Variants in SBNO1 observed in about 807,000 individuals in gnomAD.
The protein encoded by SBNO1 is protein strawberry notch homolog 1.
A neutral mutation model predicts 173.6 loss-of-function variants in SBNO1; 23 were observed. The observed-to-expected ratio is 0.13, with a 90% confidence interval of 0.10 to 0.19. SBNO1 has a LOEUF of 0.19. SBNO1 is among the 10% of genes least tolerant of loss of function. SBNO1 has a pLI of 1.00. For missense variants in SBNO1, 1,238 were observed against 1,671.2 expected (o/e 0.74, Z 4.52); for synonymous variants, 632 against 571.5 (o/e 1.11, Z -1.51).
intron 1 of SBNO1, among the ~76,000 whole-genome samples, chr12:123,355,080 G>A (rs1274816843): frequency 6.6e-6 from 1 of 151,910 alleles, no homozygotes; most frequent in Non-Finnish European, 1.5e-5. Context: ...GAGTGCAGTG[G>A]CGCGATCTCA....
intron 31 of SBNO1, among the ~76,000 whole-genome samples, chr12:123,296,383 TACAGA>T (rs1024433441): frequency 1.3e-5 from 2 of 152,216 alleles, no homozygotes; most frequent in African/African-American, 2.4e-5. Flanking sequence ...ACCAAAAGAC[TACAGA>T]ACAGAAGTTG....
At chr12:123,353,762 G>C (rs1441933186) in intron 1 of SBNO1, among the ~76,000 whole-genome samples, 1 of 152,094 alleles carries the variant, frequency 6.6e-6, no homozygotes, top group Non-Finnish European at 1.5e-5. Context: ...GACTAAAATA[G>C]GGTCTTGGCC....
At chr12:123,326,540 A>G (rs1349383718) in intron 13 of SBNO1, among the ~76,000 whole-genome samples, 1 of 152,236 alleles carries the variant, frequency 6.6e-6, no homozygotes, top group African/African-American at 2.4e-5. Flanking sequence ...TTTAGAAAAT[A>G]ATGTGATTTT....
rs75633955 is a variant in SBNO1 at position 123,299,389 on chromosome 12, A to G, written c.3846-1218T>C. ...TCTCAAAAAAAACGAAACAAAACAA[A>G]ACAAAAAACTGGCTGGGCACGATGG... is the stretch of plus-strand genomic sequence containing the variant. On this transcript the variant is annotated intron_variant, in intron 30 of 31. Coordinates refer to ENST00000602398, the MANE Select transcript of SBNO1 (RefSeq NM_001167856.3). Among the ~76,000 whole-genome samples, 629 of 150,932 alleles carry G rather than the reference A, an allele frequency of 4.2e-3. 17 individuals are homozygous for G. The East Asian group carries it at 0.092, about 22-fold the overall frequency.
At chr12:123,347,692 C>T (rs1161936538) in intron 3 of SBNO1, among the ~76,000 whole-genome samples, 2 of 152,072 alleles carry the variant, frequency 1.3e-5, no homozygotes, top group Non-Finnish European at 2.9e-5. Context: ...CCACACCAAG[C>T]TAATTTTTGT....
At chr12:123,300,509 T>C (rs2048750527) in intron 30 of SBNO1, among the ~76,000 whole-genome samples, 1 of 151,706 alleles carries the variant, frequency 6.6e-6, no homozygotes, top group South Asian at 2.1e-4. Flanking sequence ...TACAAAAAAT[T>C]AGCCGGGCGT....
At chr12:123,352,342 G>A (rs1246459195) in intron 1 of SBNO1, among the ~76,000 whole-genome samples, 3 of 152,136 alleles carry the variant, frequency 2.0e-5, no homozygotes, top group Non-Finnish European at 2.9e-5. Context: ...ACGCAGTTTC[G>A]CTCTTGTTGC....
intron 28 of SBNO1, among the ~76,000 whole-genome samples, chr12:123,308,450 C>CACG (rs1290767342): frequency 6.6e-6 from 1 of 152,072 alleles, no homozygotes; most frequent in Non-Finnish European, 1.5e-5. Flanking sequence ...GCGGGCAGAT[C>CACG]ACGAGGTCAG....
chr12:123,334,246 T>G, intron 6 of SBNO1, 33 bp from the exon 7 acceptor site: 1 of 1,233,674 alleles, frequency 8.1e-7, no homozygotes. Flanking sequence ...TTTATTTTAA[T>G]TATTCTAAGT....
At chr12:123,327,851 A>T (rs1362090851) in intron 11 of SBNO1, 39 bp from the exon 12 acceptor site, 1 of 1,589,112 alleles carries the variant, frequency 6.3e-7, no homozygotes, top group Non-Finnish European at 8.6e-7. Flanking sequence ...TAGTTGAAAA[A>T]ATAACCTACA....
chr12:123,341,198 C>A (rs1872524056), intron 4 of SBNO1, 110 bp from the exon 5 acceptor site: 1 of 620,912 alleles, frequency 1.6e-6, no homozygotes, highest in Non-Finnish European at 2.7e-6. Context: ...ACCTGTAATC[C>A]CAGCATTTTT....
chr12:123,315,802 A>G (rs1003316184), intron 21 of SBNO1, 142 bp from the exon 22 acceptor site: 4 of 597,524 alleles, frequency 6.7e-6, no homozygotes, highest in African/African-American at 3.7e-5. Context: ...TAAAATTACC[A>G]TAACACACAT....
chr12:123,349,523 T>C (rs1401309587), intron 2 of SBNO1, among the ~76,000 whole-genome samples: 3 of 136,406 alleles, frequency 2.2e-5, no homozygotes, highest in African/African-American at 1.1e-4. Flanking sequence ...AAACATCTCT[T>C]ACACTATCTA....
intron 30 of SBNO1, among the ~76,000 whole-genome samples, chr12:123,300,351 G>C (rs545074692): frequency 6.6e-6 from 1 of 152,094 alleles, no homozygotes; most frequent in African/African-American, 2.4e-5. Flanking sequence ...ACTGTCCCCA[G>C]AGGAAATGTT....
At chr12:123,339,926 A>G (rs988252489) in intron 5 of SBNO1, among the ~76,000 whole-genome samples, 2 of 152,106 alleles carry the variant, frequency 1.3e-5, no homozygotes, top group African/African-American at 4.8e-5. Context: ...CTCTGTGCCC[A>G]TTAATCCTTT....
intron 1 of SBNO1, among the ~76,000 whole-genome samples, chr12:123,358,577 T>A (rs1245524078): frequency 6.6e-6 from 1 of 151,266 alleles, no homozygotes; most frequent in Non-Finnish European, 1.5e-5. Flanking sequence ...CCGTCTCTAC[T>A]AAAAATACGA....
Position 123,290,351 on chromosome 12 carries a change from T to C in SBNO1, c.*5557A>G, listed in dbSNP as rs1024495813. 1.3e-5 allele frequency: 2 copies of C among 152,180 alleles called. No individual in the cohort carries two copies. The highest frequency in any genetic ancestry group is 2.9e-5 in the Non-Finnish European group (2 of 68,044). The allele number at this position is 152,180 out of a possible 1,614,324, so 9.4% of individuals were successfully genotyped here. A position where few individuals can be genotyped will look rare whatever the true frequency, so the allele number is the denominator to read the frequency against. On this transcript the variant is annotated 3_prime_UTR_variant, in exon 32 of 32. Transcript: ENST00000602398. ...GTTGAATAGTAATGAATGAAACTTG[T>C]ACATGAATGAAAAGGCCCCAAAGAC...
intron 1 of SBNO1, among the ~76,000 whole-genome samples, chr12:123,353,594 G>A (rs1488813223): frequency 6.6e-6 from 1 of 152,104 alleles, no homozygotes; most frequent in Non-Finnish European, 1.5e-5. Flanking sequence ...TTTGCCTGAT[G>A]ACTTTTGATT....
At chr12:123,302,563 T>C (rs546175353) in intron 30 of SBNO1, among the ~76,000 whole-genome samples, 1 of 152,224 alleles carries the variant, frequency 6.6e-6, no homozygotes, top group East Asian at 1.9e-4. Flanking sequence ...CAAGTTCTAA[T>C]ATGAAGGATA....
Sources: allele counts gnomAD v4.1 joint callset (sites outside exome capture counted in the v4.1 genomes callset), GRCh38; gene constraint gnomAD v4.1.1; transcripts MANE v1.5; gene names NCBI Gene and HGNC (gene_info 2026-07-23, HGNC 2026-07-21).